Variants in SPTB observed in about 807,000 individuals in gnomAD.
The protein encoded by SPTB is spectrin beta, erythrocytic.
Under a neutral mutation model 256.2 loss-of-function variants are expected in SPTB, and 45 were observed. That is an observed-to-expected ratio of 0.18 (90% CI 0.14 to 0.23). The LOEUF (loss-of-function observed/expected upper bound fraction) is 0.23. Among genes scored for constraint, SPTB ranks in the 10% least tolerant of loss-of-function variants. The probability of loss-of-function intolerance (pLI) is 1.00; values close to 1 mark genes in which losing one functional copy is unlikely to be tolerated. For synonymous variants in SPTB, 1,231 were observed against 1,243.1 expected, an observed-to-expected ratio of 0.99 and a Z score of 0.21; for missense variants, 2,715 against 3,040.4, an observed-to-expected ratio of 0.89 and a Z score of 2.52.
chr14:64,832,122 A>G (rs2083461342), intron 1 of SPTB, among the ~76,000 whole-genome samples: 1 of 152,140 alleles, frequency 6.6e-6, no homozygotes, highest in African/African-American at 2.4e-5. Context: ...ACATAGATAC[A>G]GTGTACTTAT....
intron 10 of SPTB, 38 bp downstream of exon 10, chr14:64,797,691 A>T: frequency 6.9e-7 from 1 of 1,453,888 alleles, no homozygotes; most frequent in Non-Finnish European, 9.7e-7. Flanking sequence ...GAATTCAATC[A>T]ATCTACTGTC....
chr14:64,856,677 G>A (rs918196635), intron 1 of SPTB, among the ~76,000 whole-genome samples: 1 of 152,252 alleles, frequency 6.6e-6, no homozygotes, highest in African/African-American at 2.4e-5. Flanking sequence ...CTCCCAGGCA[G>A]AACGTACCCT....
At chr14:64,858,002 C>T (rs1217406680) in intron 1 of SPTB, among the ~76,000 whole-genome samples, 3 of 152,218 alleles carry the variant, frequency 2.0e-5, no homozygotes, top group Admixed American at 6.5e-5. Flanking sequence ...ACAATCCTAT[C>T]TGCAAGGTGG....
At position 64,782,336 on chromosome 14, in the gene SPTB, G is replaced by C; in HGVS notation, c.4220C>G (p.Pro1407Arg). 1.2e-6 allele frequency: 2 copies of C among 1,614,196 alleles called. No homozygotes were observed. The highest frequency in any genetic ancestry group is 1.7e-6 in the Non-Finnish European group (2 of 1,180,044). ...AMEDQLRSDD[P>R]GKDLTSVNRM... is the part of the protein sequence containing the mutation. ...ATTGACACTGGTCAGGTCCTTGCCC[G>C]GGTCGTCTGACCGCAGCTGGTCCTC... The change falls in exon 20 of 36, where the codon CCG (proline) becomes CGG (arginine). Residue 1407 changes from proline (P) to arginine (R), a missense_variant. Around this residue, in one of 4 missense-constraint regions of SPTB, gnomAD observed 2,239 missense variants for 2,384.4 expected, o/e 0.94. Transcript: ENST00000644917.
rs1346561313 is a variant in SPTB, at chr14:64,826,846, C to T, written c.-51-3701G>A. Among the ~76,000 whole-genome samples the T allele has an allele frequency of 6.6e-6, 1 of 152,170 alleles. No individual in the cohort carries two copies. Among genetic ancestry groups the T allele is most frequent in the Non-Finnish European group, 1.5e-5 (1 of 68,032 alleles). On this transcript the variant is annotated intron_variant, in intron 1 of 35. Transcript: ENST00000644917. This position sits in a 1 kb window ranked among gnomAD's most constrained non-coding sequence, Gnocchi z 4.4. Reference sequence around the variant, plus strand: ...ACCTGCCTTCTGCCACCACCGACCCCAGGCTATATTTTGAGTAGGATGGGA... The same window carrying T: ...ACCTGCCTTCTGCCACCACCGACCCTAGGCTATATTTTGAGTAGGATGGGA...
At chr14:64,850,113 A>G (rs937779044) in intron 1 of SPTB, among the ~76,000 whole-genome samples, 6 of 152,264 alleles carry the variant, frequency 3.9e-5, no homozygotes, top group Admixed American at 3.3e-4. Flanking sequence ...AGCTGAAAAT[A>G]GAAACTGCCT....
intron 1 of SPTB, among the ~76,000 whole-genome samples, chr14:64,837,462 A>C (rs2083542817): frequency 6.6e-6 from 1 of 152,236 alleles, no homozygotes; most frequent in Non-Finnish European, 1.5e-5. Context: ...AAATAGGGAA[A>C]TATACCATGC....
intron 1 of SPTB, among the ~76,000 whole-genome samples, chr14:64,869,144 T>C (rs1368356318): frequency 6.6e-6 from 1 of 152,152 alleles, no homozygotes; most frequent in Non-Finnish European, 1.5e-5. Flanking sequence ...TGGGTTCAAG[T>C]CCAGCTATTA....
In SPTB at chr14:64,824,152, A is replaced by G. The variant is rs1221211521; in HGVS notation, c.-51-1007T>C. Among the ~76,000 whole-genome samples, 1 of 152,150 alleles carries G rather than the reference A, an allele frequency of 6.6e-6. No individual in the cohort carries two copies. The highest frequency in any genetic ancestry group is 1.5e-5 in the Non-Finnish European group (1 of 68,020). On this transcript the variant is annotated intron_variant, in intron 1 of 35. Transcript: ENST00000644917. The surrounding 1 kb of genome is among the most constrained non-coding windows in gnomAD (Gnocchi z 5.7). Reference sequence around the variant, plus strand: ...GAGACACACAATTAAACAAGCAACTACAAGAAGGTGTGATGTGTGTCATGG... The same window carrying G: ...GAGACACACAATTAAACAAGCAACTGCAAGAAGGTGTGATGTGTGTCATGG...
rs536229124 is a variant in SPTB at position 64,816,046 on chromosome 14, C to T, written c.148+6901G>A. Among the ~76,000 whole-genome samples, 30 of 152,340 alleles carry T rather than the reference C, an allele frequency of 2.0e-4. No individual in the cohort carries two copies. Among genetic ancestry groups the T allele is most frequent in the African/African-American group, 6.7e-4 (28 of 41,570 alleles). On this transcript the variant is annotated intron_variant, in intron 2 of 35. Transcript: ENST00000644917. The surrounding 1 kb of genome is among the most constrained non-coding windows in gnomAD (Gnocchi z 4.2). ...GGACTTCTGCACAGCCTCTCCACAA[C>T]CTGTTCTCCCTACAGAGGGTGATCC... is the stretch of plus-strand genomic sequence containing the variant.
In SPTB at chr14:64,803,797, G is replaced by A. The variant is rs2082932654; in HGVS notation, c.301-17C>T. ...GGGCTTTGGCTGGGGGACAGCAGTG[G>A]CCCCCGTGGGCATGGAGGGACTGCA... On this transcript the variant is annotated splice_polypyrimidine_tract_variant and intron_variant, in intron 3 of 35. Coordinates refer to ENST00000644917, the MANE Select transcript of SPTB (RefSeq NM_001355436.2). The A allele has an allele frequency of 3.8e-6, 6 of 1,593,670 alleles. No individual in the cohort carries two copies. In the South Asian group the frequency reaches 5.6e-5, roughly 15 times the overall value.
chr14:64,834,811 C>T (rs907099893), intron 1 of SPTB, among the ~76,000 whole-genome samples: 1 of 152,152 alleles, frequency 6.6e-6, no homozygotes, highest in African/African-American at 2.4e-5. Flanking sequence ...TTGATAAAAG[C>T]AGCAGCTTCA....
chr14:64,794,699 T>C (rs1263535921), intron 12 of SPTB, 82 bp from the exon 13 acceptor site: 1 of 1,569,188 alleles, frequency 6.4e-7, no homozygotes, highest in African/African-American at 1.3e-5. Context: ...GCAAAGGGCA[T>C]GTCTCTAGTA....
At chr14:64,784,138 T>G in intron 19 of SPTB, 109 bp downstream of exon 19, 1 of 1,538,296 alleles carries the variant, frequency 6.5e-7, no homozygotes, top group African/African-American at 1.4e-5. Context: ...CGCTGCCACG[T>G]TCTGTACTGT....
chr14:64,848,429 C>G (rs2083727893), intron 1 of SPTB, among the ~76,000 whole-genome samples: 1 of 152,188 alleles, frequency 6.6e-6, no homozygotes, highest in South Asian at 2.1e-4. Flanking sequence ...AGAGGATGAC[C>G]TCATCGTTTC....
chr14:64,801,830 G>T lies in SPTB; in HGVS notation c.571C>A (p.Pro191Thr). 6.2e-7 allele frequency: 1 copy of T among 1,614,100 alleles called. No individual in the cohort carries two copies. ...GTAAAGTTGGTGACATTAACATGAG[G>T]GTAGCTGCATCCAAGAGAAACAGTA... ...LWCQMKTAGY[P>T]HVNVTNFTSS... The change falls in exon 6 of 36, where the codon CCT (proline) becomes ACT (threonine). Residue 191 changes from proline (P) to threonine (T), a missense_variant. By Grantham distance (38) the Pro-to-Thr change is conservative (BLOSUM62 -1). Transcript: ENST00000644917.
intron 1 of SPTB, among the ~76,000 whole-genome samples, chr14:64,834,612 G>C (rs1379536798): frequency 6.6e-6 from 1 of 151,920 alleles, no homozygotes; most frequent in East Asian, 1.9e-4. Flanking sequence ...GTTTTGTAGA[G>C]GCGGTGTTTC....
intron 9 of SPTB, among the ~76,000 whole-genome samples, chr14:64,799,171 G>A (rs1448163790): frequency 6.6e-6 from 1 of 152,240 alleles, no homozygotes; most frequent in Non-Finnish European, 1.5e-5. Flanking sequence ...GCATGGTTAT[G>A]TGTATGCAGG....
rs761370429 is a variant in SPTB at position 64,772,807 on chromosome 14, T to A, written c.5326A>T (p.Asn1776Tyr). ...TCCAGGAGGTCTGCCCACATCTCGT[T>A]CAGCCCGTCCTTCCACTCGGCGATG... ...ATIAEWKDGL[N>Y]EMWADLLELI... The change falls in exon 26 of 36, where the codon AAC (asparagine) becomes TAC (tyrosine). Residue 1776 changes from asparagine (N) to tyrosine (Y), a missense_variant. Asn to Tyr is a moderately radical substitution (Grantham distance 143). Coordinates refer to ENST00000644917, the MANE Select transcript of SPTB (RefSeq NM_001355436.2). The surrounding 1 kb of genome is among the most constrained non-coding windows in gnomAD (Gnocchi z 5.4). 1.2e-6 allele frequency: 2 copies of A among 1,613,968 alleles called. No homozygotes were observed. Among genetic ancestry groups the A allele is most frequent in the East Asian group, 4.5e-5 (2 of 44,876 alleles).
Sources: allele counts gnomAD v4.1 joint callset (sites outside exome capture counted in the v4.1 genomes callset), GRCh38; gene constraint gnomAD v4.1.1; regional missense constraint gnomAD v4.1.1; non-coding constraint Gnocchi (gnomAD v3.1); transcripts MANE v1.5; gene names NCBI Gene and HGNC (gene_info 2026-07-23, HGNC 2026-07-21).